Variants in IRX2 observed in about 807,000 individuals in gnomAD.
IRX2 encodes iroquois-class homeodomain protein IRX-2.
Under a neutral mutation model 42.9 loss-of-function variants are expected in IRX2, and 26 were observed. The ratio of observed to expected loss-of-function variants is 0.61; its 90% CI spans 0.44 to 0.84. IRX2 has a LOEUF of 0.84. Ranked by LOEUF, IRX2 falls within the 40% of genes least tolerant of loss-of-function variation. The pLI, the probability that IRX2 is intolerant of heterozygous loss-of-function variation, is 0.00. For synonymous variants in IRX2, 424 were observed against 353.9 expected, an observed-to-expected ratio of 1.20 and a Z score of -2.22; for missense variants, 782 against 713.9, an observed-to-expected ratio of 1.10 and a Z score of -1.09.
At chr5:2,744,341 T>C (rs946073064), downstream of IRX2, among the ~76,000 whole-genome samples, 1 of 152,212 alleles carries the variant, frequency 6.6e-6, no homozygotes, top group African/African-American at 2.4e-5. Context: ...TTAACTTTCA[T>C]ACTTTTCACA....
At chr5:2,737,519 G>A in the IRX2 span, among the ~76,000 whole-genome samples, 8 of 152,278 alleles carry the variant, frequency 5.3e-5, no homozygotes, top group African/African-American at 1.7e-4. Flanking sequence ...GGCTTTCAGG[G>A]GCAGTCATTT....
At chr5:2,743,427 GGCCCAC>G (rs1737586729), downstream of IRX2, among the ~76,000 whole-genome samples, 1 of 151,642 alleles carries the variant, frequency 6.6e-6, no homozygotes, top group Non-Finnish European at 1.5e-5. Context: ...CGGCCCCCGG[GGCCCAC>G]CTGAGATTAA....
Position 2,749,415 on chromosome 5 carries a change from G to C in IRX2, c.622C>G (p.Gln208Glu). The change falls in exon 2 of 4, where the codon CAG (glutamine) becomes GAG (glutamate). Residue 208 changes from glutamine (Q) to glutamate (E), a missense_variant. Around this residue, in one of 3 missense-constraint regions of IRX2, gnomAD observed 520 missense variants for 437.8 expected, o/e 1.19. Transcript: ENST00000302057. ...TCTGCCGAGGTCTCCGTGCCCTCCT[G>C]CGCCTTGTCGGGACTCTCGTCCTTG... ...RSKDESPDKA[Q>E]EGTETSAEDE... 6.2e-7 allele frequency: 1 copy of C among 1,613,994 alleles called. No individual in the cohort carries two copies. The highest frequency in any genetic ancestry group is 2.2e-5 in the East Asian group (1 of 44,874).
At chr5:2,739,723 C>T in the IRX2 span, among the ~76,000 whole-genome samples, 3 of 152,316 alleles carry the variant, frequency 2.0e-5, no homozygotes, top group East Asian at 5.8e-4. Flanking sequence ...ACCCTGCGCG[C>T]GCGGTTCCCA....
At position 2,751,200 on chromosome 5, in the gene IRX2, C is replaced by T. The variant is rs1415346915; in HGVS notation, c.214G>A (p.Ala72Thr). 5.5e-6 allele frequency: 7 copies of T among 1,273,454 alleles called. No individual in the cohort carries two copies. Among genetic ancestry groups the T allele is most frequent in the Non-Finnish European group, 6.9e-6 (7 of 1,012,474 alleles). The allele number at this position is 1,273,454 out of a possible 1,614,324, so 78.9% of individuals were successfully genotyped here. Reference sequence around the variant, plus strand: ...GGGAAGCCGGCGGCGGCGGCGGCGGCGTCGGCCGAGTACTGCAGCGGGCTC... The same window carrying T: ...GGGAAGCCGGCGGCGGCGGCGGCGGTGTCGGCCGAGTACTGCAGCGGGCTC... ...FGSPLQYSAD[A>T]AAAAAGFPSY... Residue 72 changes from alanine (A) to threonine (T), a missense_variant, in exon 1 of 4, where the codon GCC (alanine) becomes ACC (threonine). By Grantham distance (58) the Ala-to-Thr change is moderately conservative (BLOSUM62 0). Coordinates refer to ENST00000302057, the MANE Select transcript of IRX2 (RefSeq NM_033267.5). This position sits in a 1 kb window ranked among gnomAD's most constrained non-coding sequence, Gnocchi z 4.0.
the IRX2 span, chr5:2,737,726 C>G: frequency 1.3e-5 from 2 of 152,292 alleles, no homozygotes; most frequent in African/African-American, 2.4e-5. Context: ...CCGTAGTAGT[C>G]ATTACCTGCC....
downstream of IRX2, among the ~76,000 whole-genome samples, chr5:2,742,014 T>C (rs1689405306): frequency 6.6e-6 from 1 of 152,232 alleles, no homozygotes; most frequent in African/African-American, 2.4e-5. Context: ...TCTTCAATTA[T>C]TATCTTTCTT....
intron 1 of IRX2, among the ~76,000 whole-genome samples, chr5:2,750,422 C>T (rs749987124): frequency 2.0e-5 from 3 of 152,234 alleles, no homozygotes; most frequent in Non-Finnish European, 4.4e-5. Flanking sequence ...GCGACAACCC[C>T]GTAATGGCCT....
At chr5:2,738,321 G>T in the IRX2 span, among the ~76,000 whole-genome samples, 1 of 152,176 alleles carries the variant, frequency 6.6e-6, no homozygotes, top group African/African-American at 2.4e-5. Flanking sequence ...TTATATCTGG[G>T]CCCATTATCA....
chr5:2,746,249 T>TA lies in IRX2; in HGVS notation c.*1314dup, dbSNP rs1737662047. ...TGTTAAACAACCAACAAAGATTGTA[T>TA]AACCAGCAATGTTCAAATAAAAACC... is the stretch of plus-strand genomic sequence containing the variant. On this transcript the variant is annotated 3_prime_UTR_variant, in exon 4 of 4. Coordinates refer to ENST00000302057, the MANE Select transcript of IRX2 (RefSeq NM_033267.5). 1 of 152,210 alleles carries TA rather than the reference T, an allele frequency of 6.6e-6. No individual in the cohort carries two copies. The highest frequency in any genetic ancestry group is 6.5e-5 in the Admixed American group (1 of 15,292). 9.4% of individuals were successfully genotyped at this position (152,210 alleles called of 1,614,324 possible). A position where few individuals can be genotyped will look rare whatever the true frequency, so the allele number is the denominator to read the frequency against.
Position 2,747,579 on chromosome 5 carries a change from G to A in IRX2, c.1401C>T (p.Val467=). ...CTCGGCCCTTCTATAGGTAGGGCTG[G>A]ACGCCCCCGCCAACCACGGTGCAGC... ...SEGCTVVGGG[V]QPYL Residue 467 remains valine, a synonymous_variant, in exon 4 of 4, where the codon GTC becomes GTT. Transcript: ENST00000302057. 11 of 1,614,048 alleles carry A rather than the reference G, an allele frequency of 6.8e-6. No homozygotes were observed. The highest frequency in any genetic ancestry group is 9.3e-6 in the Non-Finnish European group (11 of 1,179,962).
rs1263990557 is a variant in IRX2 at position 2,748,334 on chromosome 5, G to C, written c.1363+11C>G. ...TCCCCTCCCGGGCGCCGCCGGCCGC[G>C]GGCCGCCTACCTTTCTTGGGCTCGT... On this transcript the variant is annotated intron_variant, in intron 3 of 3. Coordinates refer to ENST00000302057, the MANE Select transcript of IRX2 (RefSeq NM_033267.5). 2 of 1,394,298 alleles carry C rather than the reference G, an allele frequency of 1.4e-6. No individual in the cohort carries two copies. Among genetic ancestry groups the C allele is most frequent in the South Asian group, 1.6e-5 (1 of 62,426 alleles). 86.4% of individuals were successfully genotyped at this position (1,394,298 alleles called of 1,614,324 possible). A position where few individuals can be genotyped will look rare whatever the true frequency, so the allele number is the denominator to read the frequency against.
rs1579634437 is a variant in IRX2 at position 2,751,580 on chromosome 5, G to A, written c.-167C>T. On this transcript the variant is annotated 5_prime_UTR_variant, in exon 1 of 4. Transcript: ENST00000302057. The surrounding 1 kb of genome is among the most constrained non-coding windows in gnomAD (Gnocchi z 4.0). ...TGGGCGGCCCGCGGGCCGGGGCGGCGGCGGGGTGGCGGTGGCGGCGGCAGC... is the reference window on the plus strand; with the variant it reads ...TGGGCGGCCCGCGGGCCGGGGCGGCAGCGGGGTGGCGGTGGCGGCGGCAGC... 4.3e-6 allele frequency: 1 copy of A among 230,840 alleles called. No homozygotes were observed. Among genetic ancestry groups the A allele is most frequent in the Non-Finnish European group, 7.0e-6 (1 of 142,982 alleles). 14.3% of individuals were successfully genotyped at this position (230,840 alleles called of 1,614,324 possible).
At chr5:2,736,369 A>C in the IRX2 span, among the ~76,000 whole-genome samples, 1 of 152,204 alleles carries the variant, frequency 6.6e-6, no homozygotes, top group Non-Finnish European at 1.5e-5. Context: ...TCAGGGATTA[A>C]ATTTTTAGAA....
In IRX2 at chr5:2,746,402, C is replaced by T. The variant is rs1737665743; in HGVS notation, c.*1162G>A. ...CCACTTCTGAAGTACTCAAGTTCTT[C>T]CATCACGTTTTATTTCTACTGTGTA... On this transcript the variant is annotated 3_prime_UTR_variant, in exon 4 of 4. Transcript: ENST00000302057. The T allele has an allele frequency of 6.6e-6, 1 of 152,156 alleles. No individual in the cohort carries two copies. The highest frequency in any genetic ancestry group is 2.1e-4 in the South Asian group (1 of 4,826). 9.4% of individuals were successfully genotyped at this position (152,156 alleles called of 1,614,324 possible). A position where few individuals can be genotyped will look rare whatever the true frequency, so the allele number is the denominator to read the frequency against.
chr5:2,739,060 GC>G, the IRX2 span, among the ~76,000 whole-genome samples: 23 of 152,242 alleles, frequency 1.5e-4, no homozygotes, highest in Non-Finnish European at 2.8e-4. Flanking sequence ...CCACCTCCAG[GC>G]AGCCCTCCAG....
chr5:2,748,521 C>T lies in IRX2; in HGVS notation c.1187G>A (p.Gly396Glu), dbSNP rs1579626780. 2 of 1,582,054 alleles carry T rather than the reference C, an allele frequency of 1.3e-6. No homozygotes were observed. The change falls in exon 3 of 4, where the codon GGG (glycine) becomes GAG (glutamate). Residue 396 changes from glycine (G) to glutamate (E), a missense_variant. Around this residue, in one of 3 missense-constraint regions of IRX2, gnomAD observed 520 missense variants for 437.8 expected, o/e 1.19. Transcript: ENST00000302057. Reference protein sequence around the residue: ...SPFYGNYTNYGNLNAALQGQG... With the variant: ...SPFYGNYTNYENLNAALQGQG... The stretch of plus-strand genomic sequence containing the variant: ...GCCCTGCAGCGCCGCGTTCAAGTTC[C>T]CGTAGTTTGTGTAGTTGCCGTAGAA...
chr5:2,750,736 G>A (rs942921301), intron 1 of IRX2, among the ~76,000 whole-genome samples: 3 of 152,202 alleles, frequency 2.0e-5, no homozygotes, highest in African/African-American at 4.8e-5. Context: ...CGAACCGCCC[G>A]GCCGTCGGCT....
downstream of IRX2, among the ~76,000 whole-genome samples, chr5:2,745,011 C>A (rs568147855): frequency 1.3e-5 from 2 of 152,306 alleles, no homozygotes; most frequent in African/African-American, 2.4e-5. Context: ...AAAAAAGCCA[C>A]TAGAGAGAGA....
Sources: gnomAD v4.1 joint callset for allele counts (sites outside exome capture counted in the v4.1 genomes callset) on GRCh38, gnomAD v4.1.1 for gene constraint, gnomAD v4.1.1 regional missense constraint, Gnocchi (gnomAD v3.1) non-coding constraint, MANE v1.5 for transcripts, NCBI Gene and HGNC (gene_info 2026-07-23, HGNC 2026-07-21) for gene names.